The following FRMD4A variants were observed in gnomAD, a reference collection of about 807,000 sequenced individuals.
FRMD4A encodes FERM domain containing 4A, also known as FERM domain-containing protein 4A.
In FRMD4A, 29 loss-of-function variants were observed where a neutral mutation model predicts 129.1. That is an observed-to-expected ratio of 0.22 (90% CI 0.17 to 0.31). The LOEUF is 0.31. Ranked by LOEUF, FRMD4A falls within the 10% of genes least tolerant of loss-of-function variation. The pLI is 1.00. For missense variants in FRMD4A, 1,272 were observed against 1,375.8 expected (o/e 0.92, Z 1.19); for synonymous variants, 634 against 571.6 (o/e 1.11, Z -1.56).
At chr10:13,687,758 T>A (rs1226361141) in intron 15 of FRMD4A, among the ~76,000 whole-genome samples, 4 of 152,188 alleles carry the variant, frequency 2.6e-5, no homozygotes, top group African/African-American at 9.7e-5. Flanking sequence ...GCACCCTGCC[T>A]GCTCCCCCTC....
At chr10:13,956,163 TG>T (rs1185244249) in intron 2 of FRMD4A, among the ~76,000 whole-genome samples, 2 of 152,338 alleles carry the variant, frequency 1.3e-5, no homozygotes, top group East Asian at 1.9e-4. Flanking sequence ...TTTTTTCTTT[TG>T]TTTTTTTAGA....
chr10:13,702,913 GAAAAAAA>G (rs34246612), intron 13 of FRMD4A, among the ~76,000 whole-genome samples: 1 of 131,942 alleles, frequency 7.6e-6, no homozygotes. Context: ...AAAAGTGAAG[GAAAAAAA>G]AAAAAAAAAA....
At chr10:13,838,760 T>C (rs1564888529) in intron 3 of FRMD4A, among the ~76,000 whole-genome samples, 3 of 152,194 alleles carry the variant, frequency 2.0e-5, no homozygotes, top group African/African-American at 7.2e-5. Flanking sequence ...CCCAAAGTGC[T>C]GAGATTACAG....
At chr10:13,757,935 G>A (rs2091929408) in intron 8 of FRMD4A, among the ~76,000 whole-genome samples, 1 of 152,066 alleles carries the variant, frequency 6.6e-6, no homozygotes, top group African/African-American at 2.4e-5. Flanking sequence ...GTAGAGACAG[G>A]GTTTCACCAT....
intron 12 of FRMD4A, among the ~76,000 whole-genome samples, chr10:13,722,956 GTTAGCTACATCCCTATGCTGC>G (rs1170508118): frequency 6.6e-6 from 1 of 151,850 alleles, no homozygotes; most frequent in Non-Finnish European, 1.5e-5. Context: ...CACCATGCTA[GTTAGCTACATCCCTATGCTGC>G]TTAGCTACAT....
intron 6 of FRMD4A, among the ~76,000 whole-genome samples, chr10:13,769,403 G>T (rs911080845): frequency 2.6e-5 from 4 of 152,016 alleles, no homozygotes; most frequent in Admixed American, 1.3e-4. Context: ...CTGCCTCCTG[G>T]GTTCGAGCGA....
intron 15 of FRMD4A, among the ~76,000 whole-genome samples, chr10:13,688,723 CTTAT>C (rs1412718539): frequency 6.6e-6 from 1 of 151,794 alleles, no homozygotes; most frequent in Non-Finnish European, 1.5e-5. Context: ...TATTTATTTA[CTTAT>C]TTTAGAGACA....
chr10:13,949,784 T>C (rs188590917), intron 2 of FRMD4A, among the ~76,000 whole-genome samples: 111 of 152,338 alleles, frequency 7.3e-4, no homozygotes, highest in African/African-American at 2.3e-3. Flanking sequence ...ACACAGTTAA[T>C]AAATGCTACC....
intron 12 of FRMD4A, among the ~76,000 whole-genome samples, chr10:13,722,203 T>C (rs889646130): frequency 6.6e-6 from 1 of 150,428 alleles, no homozygotes; most frequent in African/African-American, 2.4e-5. Flanking sequence ...GGTGGTTGCA[T>C]GAACTATTCC....
intron 2 of FRMD4A, among the ~76,000 whole-genome samples, chr10:14,014,941 T>C (rs1354010134): frequency 7.5e-6 from 1 of 134,066 alleles, no homozygotes; most frequent in Non-Finnish European, 1.6e-5. Context: ...TCTTCCTTTC[T>C]TCTTCCTTCT....
chr10:14,039,475 T>TATATTGGAACCCCAAAATCAATCA (rs1565204821), intron 2 of FRMD4A, among the ~76,000 whole-genome samples: 12 of 141,394 alleles, frequency 8.5e-5, no homozygotes, highest in African/African-American at 3.3e-4. Context: ...TCTATCTATC[T>TATATTGGAACCCCAAAATCAATCA]ATCTATCTAT....
chr10:14,132,013 G>A (rs1839285437), intron 2 of FRMD4A, among the ~76,000 whole-genome samples: 1 of 152,134 alleles, frequency 6.6e-6, no homozygotes, highest in Admixed American at 6.6e-5. Flanking sequence ...TCAAACATAA[G>A]GCCAGGTGCA....
intron 19 of FRMD4A, 141 bp from the exon 20 acceptor site, chr10:13,660,694 A>T: frequency 1.7e-6 from 1 of 591,368 alleles, no homozygotes. Flanking sequence ...GAAACCCTGA[A>T]ACTCTTCCCC....
At chr10:13,828,629 T>A (rs931477154) in intron 3 of FRMD4A, among the ~76,000 whole-genome samples, 1 of 151,210 alleles carries the variant, frequency 6.6e-6, no homozygotes, top group African/African-American at 2.4e-5. Context: ...GCCTCCTGGG[T>A]TCAAGCAATT....
chr10:14,248,322 A>C (rs1844316714), intron 2 of FRMD4A, among the ~76,000 whole-genome samples: 1 of 152,268 alleles, frequency 6.6e-6, no homozygotes, highest in Non-Finnish European at 1.5e-5. Flanking sequence ...TATGACTTAA[A>C]AAATTTAATT....
In FRMD4A at chr10:13,644,768, A is replaced by T. The variant is rs1019758674; in HGVS notation, c.*2270T>A. The T allele has an allele frequency of 6.6e-6, 1 of 152,142 alleles. No individual in the cohort carries two copies. Among genetic ancestry groups the T allele is most frequent in the Non-Finnish European group, 1.5e-5 (1 of 68,024 alleles). 9.4% of individuals were successfully genotyped at this position (152,142 alleles called of 1,614,324 possible). ...CTTTGGGAGAAAGAAAAATGGCCCA[A>T]TGTATAATGTTTCTGAATGGGGAAG... On this transcript the variant is annotated 3_prime_UTR_variant, in exon 25 of 25. Coordinates refer to ENST00000357447, the MANE Select transcript of FRMD4A (RefSeq NM_018027.5).
At chr10:13,671,469 G>C (rs2134717089) in intron 16 of FRMD4A, among the ~76,000 whole-genome samples, 1 of 152,184 alleles carries the variant, frequency 6.6e-6, no homozygotes, top group Non-Finnish European at 1.5e-5. Flanking sequence ...GAAAAAAAAA[G>C]TTTAGTAGAA....
chr10:14,182,331 G>A (rs1445882451), intron 2 of FRMD4A, among the ~76,000 whole-genome samples: 1 of 152,236 alleles, frequency 6.6e-6, no homozygotes, highest in East Asian at 1.9e-4. Flanking sequence ...CTTGGGGCCA[G>A]TAGTTCAAGA....
Position 14,299,372 on chromosome 10 carries a change from G to A in FRMD4A, c.45+30686C>T, listed in dbSNP as rs913815. On this transcript the variant is annotated intron_variant, in intron 2 of 24. Coordinates refer to ENST00000357447, the MANE Select transcript of FRMD4A (RefSeq NM_018027.5). ...AGAAGCTATTGAGTAGGAGCCATCG[G>A]GTGCAGGAGGGAAAGCTTGCTGCCA... is the stretch of plus-strand genomic sequence containing the variant. Among the ~76,000 whole-genome samples, 642 of 152,226 alleles carry A rather than the reference G, an allele frequency of 4.2e-3. 6 individuals are homozygous for A. The highest frequency in any genetic ancestry group is 0.015 in the African/African-American group (604 of 41,522).
Sources: gnomAD v4.1 joint callset for allele counts (sites outside exome capture counted in the v4.1 genomes callset) on GRCh38, gnomAD v4.1.1 for gene constraint, MANE v1.5 for transcripts, NCBI Gene and HGNC (gene_info 2026-07-23, HGNC 2026-07-21) for gene names.